The following CENPN variants were observed in gnomAD, a reference collection of about 807,000 sequenced individuals.
CENPN encodes interphase centromere complex protein 32.
In CENPN, 36 loss-of-function variants were observed where a neutral mutation model predicts 48.6. The ratio of observed to expected loss-of-function variants is 0.74; its 90% CI spans 0.57 to 0.98. The LOEUF (loss-of-function observed/expected upper bound fraction) is 0.98. Ranked by LOEUF, CENPN falls within the 50% of genes least tolerant of loss-of-function variation. CENPN has a pLI of 0.00. For synonymous variants in CENPN, 166 were observed against 135.2 expected (o/e 1.23, Z -1.58); for missense variants, 439 against 399.2 (o/e 1.10, Z -0.85).
At chr16:81,009,390 T>A (rs1969645860) in intron 1 of CENPN, among the ~76,000 whole-genome samples, 1 of 152,124 alleles carries the variant, frequency 6.6e-6, no homozygotes. Context: ...GGCACAATGG[T>A]CCTTCTCTAG....
In CENPN at chr16:81,014,146, C is replaced by T; in HGVS notation, c.182C>T (p.Ala61Val). Residue 61 changes from alanine to valine, a missense_variant, in exon 3 of 11, where the codon GCA becomes GTA. Coordinates refer to ENST00000305850, the MANE Select transcript of CENPN (RefSeq NM_001100624.3). ...HLIHLCEEKR[A>V]SISDAALLDI... ...TGTTTTCTCTTTTAGGAAAAGCGTG[C>T]AAGTATCAGTGATGCTGCCCTGTTA... The T allele has an allele frequency of 6.2e-7, 1 of 1,613,140 alleles. No homozygotes were observed. The highest frequency in any genetic ancestry group is 1.3e-5 in the African/African-American group (1 of 75,038).
chr16:81,023,496 G>C (rs1970310261), intron 7 of CENPN: 1 of 152,338 alleles, frequency 6.6e-6, no homozygotes, highest in Non-Finnish European at 1.5e-5. Context: ...TTTGAGATGA[G>C]CCTGGGCAGC....
intron 5 of CENPN, among the ~76,000 whole-genome samples, chr16:81,019,177 T>C (rs1253348812): frequency 6.6e-6 from 1 of 152,150 alleles, no homozygotes; most frequent in Non-Finnish European, 1.5e-5. Context: ...TTTAAGCCCA[T>C]TATGACATAG....
At chr16:81,026,476 G>C (rs1441955468) in intron 8 of CENPN, 50 bp from the exon 9 acceptor site, 2 of 853,622 alleles carry the variant, frequency 2.3e-6, no homozygotes, top group Non-Finnish European at 3.8e-6. Flanking sequence ...ATAATTTAAG[G>C]ATGAAATATA....
At chr16:81,022,952 A>C (rs1970284799) in intron 7 of CENPN, 1 of 1,350,050 alleles carries the variant, frequency 7.4e-7, no homozygotes, top group Admixed American at 2.4e-5. Flanking sequence ...CTTCCAAATC[A>C]CCTGATCACA....
chr16:81,016,932 G>A (rs1380476091), intron 3 of CENPN: 1 of 232,688 alleles, frequency 4.3e-6, no homozygotes, highest in African/African-American at 2.4e-5. Context: ...GGAGTAGGGT[G>A]TGTAAGGAGC....
At chr16:81,012,186 CAA>C (rs2151677412) in intron 2 of CENPN, 76 bp downstream of exon 2, 1 of 1,318,236 alleles carries the variant, frequency 7.6e-7, no homozygotes. Context: ...TTCCTTACTC[CAA>C]AAGAGATGTA....
intron 5 of CENPN, among the ~76,000 whole-genome samples, chr16:81,019,078 C>G (rs1271597503): frequency 6.6e-6 from 1 of 152,202 alleles, no homozygotes; most frequent in African/African-American, 2.4e-5. Context: ...ATGTAACATT[C>G]TTTTAGAGGA....
In CENPN at chr16:81,030,777, G is replaced by T. The variant is rs1202520022; in HGVS notation, c.*2126G>T. The T allele has an allele frequency of 6.6e-6, 1 of 151,846 alleles. No individual in the cohort carries two copies. The highest frequency in any genetic ancestry group is 1.5e-5 in the Non-Finnish European group (1 of 68,082). 9.4% of individuals were successfully genotyped at this position (151,846 alleles called of 1,614,324 possible). A position where few individuals can be genotyped will look rare whatever the true frequency, so the allele number is the denominator to read the frequency against. On this transcript the variant is annotated 3_prime_UTR_variant, in exon 11 of 11. Transcript: ENST00000305850. ...AAATAAAATAAAGGCCAGGCATGGT[G>T]GCTCACGCCTATAATCCCAGCACTT...
rs1597306051 is a variant in CENPN at position 81,011,741 on chromosome 16, G to A, written c.-10-189G>A. On this transcript the variant is annotated intron_variant, in intron 1 of 10. Coordinates refer to ENST00000305850, the MANE Select transcript of CENPN (RefSeq NM_001100624.3). The stretch of plus-strand genomic sequence containing the variant: ...CCGATGGCCAGGCGCAGTAGCTCAC[G>A]CCTGTAATCCCAGCACTTTGGCAGG... Among the ~76,000 whole-genome samples the A allele has an allele frequency of 2.0e-5, 3 of 152,170 alleles. No homozygotes were observed. The South Asian group carries it at 6.2e-4, about 32-fold the overall frequency.
chr16:81,022,166 T>C (rs1383717302), intron 6 of CENPN: 1 of 182,128 alleles, frequency 5.5e-6, no homozygotes, highest in Non-Finnish European at 1.1e-5. Context: ...TTTCCCCTAA[T>C]GACAGGAAAC....
At chr16:81,032,634 C>G, downstream of CENPN, 4 of 1,613,772 alleles carry the variant, frequency 2.5e-6, no homozygotes, top group Non-Finnish European at 2.5e-6. Flanking sequence ...GGACCCAGGA[C>G]CCGAGCAGCT....
chr16:81,020,757 G>C (rs1970151927), intron 6 of CENPN, among the ~76,000 whole-genome samples: 1 of 152,080 alleles, frequency 6.6e-6, no homozygotes, highest in Admixed American at 6.6e-5. Flanking sequence ...AATAACTACT[G>C]TCAAAGTTTG....
chr16:81,014,499 A>G (rs1413217949), intron 3 of CENPN: 2 of 293,236 alleles, frequency 6.8e-6, no homozygotes, highest in Non-Finnish European at 1.3e-5. Flanking sequence ...CTGGGATTAT[A>G]GGTGTGAACC....
Position 81,029,949 on chromosome 16 carries a change from C to T in CENPN, c.*1298C>T, listed in dbSNP as rs557678566. Among the ~76,000 whole-genome samples, 38 of 152,290 alleles carry T rather than the reference C, an allele frequency of 2.5e-4. 1 individual carries two copies. In the Middle Eastern group the frequency reaches 0.01, roughly 41 times the overall value. ...TTAACTGACGCACATTTCCACGTGG[C>T]CAGGGAGGCCTCACAATCATGGTGG... On this transcript the variant is annotated 3_prime_UTR_variant, in exon 11 of 11. Transcript: ENST00000305850.
At chr16:81,024,983 C>T (rs1252834652) in intron 8 of CENPN, among the ~76,000 whole-genome samples, 2 of 152,190 alleles carry the variant, frequency 1.3e-5, no homozygotes. Flanking sequence ...CAATAAACAA[C>T]AAAACAATAA....
chr16:81,028,299 T>C lies in CENPN; in HGVS notation c.937+2T>C. 1 of 1,613,974 alleles carries C rather than the reference T, an allele frequency of 6.2e-7. No homozygotes were observed. Among genetic ancestry groups the C allele is most frequent in the Non-Finnish European group, 8.5e-7 (1 of 1,179,954 alleles). ...CATTGAAATCCTTAGCACCAGCGGG[T>C]GAGTGGTCAGCTTACTCTATAAGCT... On this transcript the variant is annotated splice_donor_variant, in intron 10 of 10. Coordinates refer to ENST00000305850, the MANE Select transcript of CENPN (RefSeq NM_001100624.3). LOFTEE classifies it high-confidence loss of function.
chr16:81,013,353 T>G (rs1435071175), intron 2 of CENPN, among the ~76,000 whole-genome samples: 1 of 152,128 alleles, frequency 6.6e-6, no homozygotes, highest in Non-Finnish European at 1.5e-5. Flanking sequence ...AGAAAGCAGA[T>G]CAGCGTTTGC....
intron 10 of CENPN, 96 bp from the exon 11 acceptor site, chr16:81,028,473 A>T: frequency 6.5e-7 from 1 of 1,542,338 alleles, no homozygotes. Context: ...TCTATGATCC[A>T]CCCTCTAATC....
Sources: allele counts gnomAD v4.1 joint callset (sites outside exome capture counted in the v4.1 genomes callset), GRCh38; gene constraint gnomAD v4.1.1; transcripts MANE v1.5; gene names NCBI Gene and HGNC (gene_info 2026-07-23, HGNC 2026-07-21).